The following TENM3 variants were observed in gnomAD, a reference collection of about 807,000 sequenced individuals.
TENM3 encodes the protein teneurin-3.
In TENM3, 63 loss-of-function variants were observed where a neutral mutation model predicts 255.1. That is an observed-to-expected ratio of 0.25 (90% CI 0.20 to 0.30). The LOEUF (loss-of-function observed/expected upper bound fraction) is 0.30, where lower values mean the gene tolerates loss of function less well. Among genes scored for constraint, TENM3 ranks in the 10% least tolerant of loss-of-function variants. The pLI, the probability that TENM3 is intolerant of heterozygous loss-of-function variation, is 1.00. For missense variants in TENM3, 2,929 were observed against 3,461.1 expected, an observed-to-expected ratio of 0.85 and a Z score of 3.86; for synonymous variants, 1,306 against 1,322.3, an observed-to-expected ratio of 0.99 and a Z score of 0.27.
intron 1 of TENM3, among the ~76,000 whole-genome samples, chr4:182,202,986 C>T (rs887374440): frequency 2.0e-4 from 30 of 151,792 alleles, no homozygotes; most frequent in Non-Finnish European, 3.5e-4. Context: ...GAGGCCGGGG[C>T]GGGTGGGTCA....
the TENM3 span, among the ~76,000 whole-genome samples, chr4:181,978,571 T>C: frequency 6.9e-6 from 1 of 145,134 alleles, no homozygotes; most frequent in Non-Finnish European, 1.5e-5. Flanking sequence ...CGGTTGAACC[T>C]GGGAGGTGGA....
the TENM3 span, among the ~76,000 whole-genome samples, chr4:181,493,455 G>A: frequency 0.13 from 19,094 of 152,084 alleles, 1,331 homozygotes; most frequent in East Asian, 0.16. Flanking sequence ...GTACGACCAG[G>A]CGTGGTGGCT....
chr4:182,151,419 C>CT (rs781403638), intron 1 of TENM3, among the ~76,000 whole-genome samples: 1 of 151,968 alleles, frequency 6.6e-6, no homozygotes, highest in Non-Finnish European at 1.5e-5. Context: ...TATTCTAATA[C>CT]TTTTTATCAG....
intron 2 of TENM3, among the ~76,000 whole-genome samples, chr4:182,337,817 TCTACAGATA>T (rs1478235306): frequency 6.6e-6 from 1 of 152,190 alleles, no homozygotes; most frequent in African/African-American, 2.4e-5. Context: ...AAAAGAGTGA[TCTACAGATA>T]CTTGCAACAA....
the TENM3 span, among the ~76,000 whole-genome samples, chr4:182,032,492 G>A: frequency 6.6e-6 from 1 of 152,184 alleles, no homozygotes; most frequent in Non-Finnish European, 1.5e-5. Context: ...GTTCATCGGG[G>A]ATATTGGCCT....
At chr4:182,202,619 T>C (rs2149836587) in intron 1 of TENM3, among the ~76,000 whole-genome samples, 1 of 152,244 alleles carries the variant, frequency 6.6e-6, no homozygotes, top group Middle Eastern at 3.4e-3. Flanking sequence ...CTGCACTTTT[T>C]AATCCCAGGT....
At chr4:182,145,027 T>G (rs1320799739) in intron 1 of TENM3, 1 of 151,812 alleles carries the variant, frequency 6.6e-6, no homozygotes, top group Non-Finnish European at 1.5e-5. Context: ...GCCCCCGTAC[T>G]GGGGAGCCCC....
chr4:182,295,609 C>A (rs180987379), intron 1 of TENM3, among the ~76,000 whole-genome samples: 1 of 152,100 alleles, frequency 6.6e-6, no homozygotes, highest in African/African-American at 2.4e-5. Context: ...AAGATTCTAA[C>A]CCTTGTAGCA....
intron 3 of TENM3, among the ~76,000 whole-genome samples, chr4:182,483,838 A>C (rs1041599555): frequency 1.1e-4 from 16 of 152,254 alleles, no homozygotes; most frequent in East Asian, 9.7e-4. Context: ...CCAGAGCAGG[A>C]GGAAGAGAGT....
At chr4:182,404,160 A>G (rs556313274) in intron 3 of TENM3, among the ~76,000 whole-genome samples, 3 of 152,094 alleles carry the variant, frequency 2.0e-5, no homozygotes, top group African/African-American at 7.2e-5. Flanking sequence ...TCCCCTTCTC[A>G]TCCAGTAAAA....
At chr4:182,071,247 C>G in the TENM3 span, among the ~76,000 whole-genome samples, 108,033 of 151,982 alleles carry the variant, frequency 0.71, 39,112 homozygotes, top group East Asian at 0.87. Context: ...CACACTAGAG[C>G]TTGGAGTTTA....
At chr4:182,561,759 C>A (rs1208551595) in intron 3 of TENM3, among the ~76,000 whole-genome samples, 2 of 151,910 alleles carry the variant, frequency 1.3e-5, no homozygotes, top group Non-Finnish European at 2.9e-5. Flanking sequence ...TTAAAAACAA[C>A]CTAAATGCCC....
the TENM3 span, among the ~76,000 whole-genome samples, chr4:181,940,443 G>GA: frequency 6.6e-6 from 1 of 151,744 alleles, no homozygotes; most frequent in Admixed American, 6.6e-5. Flanking sequence ...CTGCTCTACT[G>GA]AAAAAAAAGT....
At chr4:181,895,521 C>G in the TENM3 span, among the ~76,000 whole-genome samples, 4 of 130,894 alleles carry the variant, frequency 3.1e-5, no homozygotes, top group African/African-American at 1.1e-4. Flanking sequence ...GTGCAACTTT[C>G]TATCTGGCTG....
chr4:182,185,293 A>G (rs921754744), intron 1 of TENM3, among the ~76,000 whole-genome samples: 1 of 152,184 alleles, frequency 6.6e-6, no homozygotes, highest in Admixed American at 6.5e-5. Context: ...CAACTGAACA[A>G]AGTTTTAAGT....
chr4:181,863,925 G>A, the TENM3 span, among the ~76,000 whole-genome samples: 2 of 152,048 alleles, frequency 1.3e-5, no homozygotes, highest in African/African-American at 4.8e-5. Flanking sequence ...TAATAATAAT[G>A]TCACAAATAT....
At chr4:181,716,672 A>G in the TENM3 span, among the ~76,000 whole-genome samples, 2 of 152,218 alleles carry the variant, frequency 1.3e-5, no homozygotes, top group African/African-American at 4.8e-5. Context: ...AGGCTTTGGG[A>G]GAATTAAATG....
At chr4:181,552,760 A>G in the TENM3 span, among the ~76,000 whole-genome samples, 1 of 152,192 alleles carries the variant, frequency 6.6e-6, no homozygotes, top group African/African-American at 2.4e-5. Context: ...GGAGTCGGAG[A>G]GCAAAAAGGC....
At chr4:181,782,421 G>A in the TENM3 span, among the ~76,000 whole-genome samples, 6 of 152,268 alleles carry the variant, frequency 3.9e-5, no homozygotes, top group Admixed American at 6.5e-5. Context: ...GTTGTTTATC[G>A]TATTCTCTGA....
Sources: gnomAD v4.1 joint callset for allele counts (sites outside exome capture counted in the v4.1 genomes callset) on GRCh38, gnomAD v4.1.1 for gene constraint, MANE v1.5 for transcripts, NCBI Gene and HGNC (gene_info 2026-07-23, HGNC 2026-07-21) for gene names.